The following EFHD1 variants were observed in gnomAD, a reference collection of about 807,000 sequenced individuals.
The protein encoded by EFHD1 is EF-hand domain-containing protein D1.
In EFHD1, 10 loss-of-function variants were observed where a neutral mutation model predicts 17.2. That is an observed-to-expected ratio of 0.58 (90% CI 0.36 to 0.99). The LOEUF (loss-of-function observed/expected upper bound fraction) is 0.99, where lower values mean the gene tolerates loss of function less well. EFHD1 is among the 50% of genes least tolerant of loss of function. EFHD1 has a pLI of 0.01. For missense variants in EFHD1, 310 were observed against 327.5 expected, an observed-to-expected ratio of 0.95 and a Z score of 0.41; for synonymous variants, 153 against 142.0, an observed-to-expected ratio of 1.08 and a Z score of -0.55.
At chr2:232,676,119 G>T (rs1695166774) in intron 3 of EFHD1, among the ~76,000 whole-genome samples, 1 of 151,980 alleles carries the variant, frequency 6.6e-6, no homozygotes, top group African/African-American at 2.4e-5. Context: ...AGGTTGCAGT[G>T]AGCCGAGATC....
chr2:232,644,592 A>G (rs1286434070), intron 1 of EFHD1, among the ~76,000 whole-genome samples: 2 of 151,344 alleles, frequency 1.3e-5, no homozygotes, highest in South Asian at 2.1e-4. Context: ...GGCTCACTGC[A>G]ACCTCCGCCT....
At chr2:232,618,825 A>G (rs1307991467) in intron 1 of EFHD1, among the ~76,000 whole-genome samples, 1 of 152,056 alleles carries the variant, frequency 6.6e-6, no homozygotes, top group Non-Finnish European at 1.5e-5. Flanking sequence ...AAAAGGTCAC[A>G]TATTATATAA....
intron 1 of EFHD1, among the ~76,000 whole-genome samples, chr2:232,636,539 C>T (rs539519553): frequency 2.5e-4 from 38 of 152,228 alleles, no homozygotes; most frequent in African/African-American, 8.9e-4. Flanking sequence ...TAAATGTGCA[C>T]ATTTGGCTGG....
intron 2 of EFHD1, 121 bp downstream of exon 2, chr2:232,663,070 TGCAATTCC>T: frequency 8.6e-7 from 1 of 1,158,688 alleles, no homozygotes; most frequent in Admixed American, 4.1e-5. Context: ...GTATCTAACC[TGCAATTCC>T]GCTTTCAAAA....
chr2:232,659,136 C>A (rs1694813901), intron 1 of EFHD1, among the ~76,000 whole-genome samples: 1 of 152,082 alleles, frequency 6.6e-6, no homozygotes, highest in South Asian at 2.1e-4. Context: ...CCTGTCTCAT[C>A]CTTCACGGTT....
chr2:232,615,377 T>C (rs938028563), intron 1 of EFHD1, among the ~76,000 whole-genome samples: 1 of 150,670 alleles, frequency 6.6e-6, no homozygotes, highest in African/African-American at 2.4e-5. Flanking sequence ...TCTTAGAAGG[T>C]CAAGGTTGAT....
chr2:232,627,932 T>C (rs1340963467), intron 1 of EFHD1, among the ~76,000 whole-genome samples: 2 of 152,196 alleles, frequency 1.3e-5, no homozygotes, highest in Non-Finnish European at 2.9e-5. Flanking sequence ...TTGGTGTATT[T>C]CCAGAGTTGT....
At chr2:232,674,471 A>G (rs1574735706) in intron 3 of EFHD1, among the ~76,000 whole-genome samples, 1 of 152,240 alleles carries the variant, frequency 6.6e-6, no homozygotes, top group Non-Finnish European at 1.5e-5. Context: ...ATGCCAAAGT[A>G]TCAGTAATAG....
At chr2:232,676,176 A>G (rs1410323397) in intron 3 of EFHD1, among the ~76,000 whole-genome samples, 1 of 152,090 alleles carries the variant, frequency 6.6e-6, no homozygotes, top group African/African-American at 2.4e-5. Flanking sequence ...CCATGTCTCA[A>G]AGGAAAAAAA....
chr2:232,633,532 C>G (rs1694242641), upstream of EFHD1: 1 of 1,283,626 alleles, frequency 7.8e-7, no homozygotes. Context: ...AAAGCCGCAG[C>G]TCCGCCCCGA....
chr2:232,629,768 CA>C (rs895679707), upstream of EFHD1, among the ~76,000 whole-genome samples: 5 of 145,178 alleles, frequency 3.4e-5, no homozygotes, highest in Admixed American at 2.1e-4. Flanking sequence ...CACGCCCGGC[CA>C]AAAAAAAATG....
upstream of EFHD1, among the ~76,000 whole-genome samples, chr2:232,631,704 A>AC (rs1553597028): frequency 1.4e-5 from 2 of 139,766 alleles, no homozygotes; most frequent in Admixed American, 7.0e-5. Flanking sequence ...AAAAAAAAAA[A>AC]AACAAAAACA....
At chr2:232,633,324 G>A (rs1243197953), upstream of EFHD1, 2 of 368,770 alleles carry the variant, frequency 5.4e-6, no homozygotes, top group Non-Finnish European at 7.9e-6. Context: ...TTCCCGCTAC[G>A]GTTTTCCCCG....
chr2:232,672,330 G>T lies in EFHD1; in HGVS notation c.472G>T (p.Ala158Ser). Residue 158 changes from alanine to serine, a missense_variant, in exon 3 of 4, where the codon GCC becomes TCC. By Grantham distance (99) the Ala-to-Ser change is moderately conservative (BLOSUM62 1). Transcript: ENST00000264059. ...FREFLLIFHK[A>S]AAGELQEDSG... ...GTAGTTCCTGCTCATTTTCCACAAG[G>T]CCGCGGCAGGGGAGCTGCAGGAGGA... 6.2e-7 allele frequency: 1 copy of T among 1,614,138 alleles called. No homozygotes were observed. The highest frequency in any genetic ancestry group is 8.5e-7 in the Non-Finnish European group (1 of 1,180,034).
intron 1 of EFHD1, among the ~76,000 whole-genome samples, chr2:232,657,074 C>A: frequency 6.6e-6 from 1 of 152,318 alleles, no homozygotes; most frequent in Non-Finnish European, 1.5e-5. Flanking sequence ...CTGACTGCAC[C>A]CAGCAAAATT....
At chr2:232,616,135 G>A (rs540554089) in intron 1 of EFHD1, among the ~76,000 whole-genome samples, 3 of 152,228 alleles carry the variant, frequency 2.0e-5, no homozygotes, top group East Asian at 3.9e-4. Context: ...AGAGTCTGCC[G>A]ACAGATGAAT....
intron 1 of EFHD1, among the ~76,000 whole-genome samples, chr2:232,657,790 C>T (rs1694788447): frequency 7.1e-6 from 1 of 141,138 alleles, no homozygotes; most frequent in Non-Finnish European, 1.5e-5. Flanking sequence ...CCAGCCTGGG[C>T]AACAAGAATG....
chr2:232,655,189 T>C (rs576427847), intron 1 of EFHD1, among the ~76,000 whole-genome samples: 3 of 152,288 alleles, frequency 2.0e-5, no homozygotes, highest in South Asian at 4.1e-4. Flanking sequence ...TTAGTGGTCA[T>C]GTTTTTCTTT....
intron 1 of EFHD1, among the ~76,000 whole-genome samples, chr2:232,627,636 T>C (rs1304435079): frequency 2.0e-5 from 3 of 152,198 alleles, no homozygotes; most frequent in Non-Finnish European, 4.4e-5. Context: ...GGAGCAGATG[T>C]GATATCTAAC....
Sources: gnomAD v4.1 joint callset for allele counts (sites outside exome capture counted in the v4.1 genomes callset) on GRCh38, gnomAD v4.1.1 for gene constraint, MANE v1.5 for transcripts, NCBI Gene and HGNC (gene_info 2026-07-23, HGNC 2026-07-21) for gene names.